NUP50: variants seen among roughly 807,000 people sequenced by gnomAD.
The protein encoded by NUP50 is nucleoporin 50.
In NUP50, 14 loss-of-function variants were observed where a neutral mutation model predicts 36.8. That is an observed-to-expected ratio of 0.38 (90% CI 0.25 to 0.59). The LOEUF (loss-of-function observed/expected upper bound fraction) is 0.59, where lower values mean the gene tolerates loss of function less well. Among genes scored for constraint, NUP50 ranks in the 20% least tolerant of loss-of-function variants. The probability of loss-of-function intolerance (pLI) is 0.63; values close to 1 mark genes in which losing one functional copy is unlikely to be tolerated. For synonymous variants in NUP50, 195 were observed against 210.8 expected, an observed-to-expected ratio of 0.93 and a Z score of 0.65; for missense variants, 455 against 564.6, an observed-to-expected ratio of 0.81 and a Z score of 1.97.
chr22:45,168,894 A>AC (rs1182203854), intron 2 of NUP50, among the ~76,000 whole-genome samples: 24,659 of 128,948 alleles, frequency 0.19, 2,587 homozygotes, highest in East Asian at 0.58. Context: ...TCTCTATAAA[A>AC]AAAATTTTTT....
chr22:45,178,709 T>G lies in NUP50; in HGVS notation c.812T>G (p.Phe271Cys). The G allele has an allele frequency of 6.2e-7, 1 of 1,612,888 alleles. No homozygotes were observed. Among genetic ancestry groups the G allele is most frequent in the South Asian group, 1.1e-5 (1 of 91,034 alleles). Residue 271 changes from phenylalanine (F) to cysteine (C), a missense_variant, in exon 5 of 8, where the codon TTT becomes TGT. Phe to Cys is a radical substitution (Grantham distance 205). Transcript: ENST00000347635. ...TCACTAGGAGCGACAAGTGCCTCAT[T>G]TAATTTCGGCAAGAAAGTTGATAGC... ...PSSLGATSAS[F>C]NFGKKVDSSV...
At position 45,186,001 on chromosome 22, in the gene NUP50, A is replaced by T. The variant is rs149945684; in HGVS notation, c.*1346A>T. 2 of 152,242 alleles carry T rather than the reference A, an allele frequency of 1.3e-5. No homozygotes were observed. The highest frequency in any genetic ancestry group is 4.8e-5 in the African/African-American group (2 of 41,458). The allele number at this position is 152,242 out of a possible 1,614,324, so 9.4% of individuals were successfully genotyped here. On this transcript the variant is annotated 3_prime_UTR_variant, in exon 8 of 8. Transcript: ENST00000347635. ...TCTCCATTTAGAAAAGAGTGGTCAG[A>T]ATAATTGTGGACGGTACAGTGGCTT... is the stretch of plus-strand genomic sequence containing the variant.
Position 45,183,462 on chromosome 22 carries a change from T to C in NUP50, c.1146T>C (p.His382=). 6.2e-7 allele frequency: 1 copy of C among 1,612,514 alleles called. No individual in the cohort carries two copies. The part of the protein sequence containing the change: ...EFKEKGIGTL[H]LKPTANQKTQ... The stretch of plus-strand genomic sequence containing the variant: ...AAGAGAAAGGCATAGGTACTCTGCA[T>C]TTAAAACCTACAGCAAATCAGAAGA... The change falls in exon 7 of 8, where the codon CAT becomes CAC. Residue 382 remains histidine (H), a synonymous_variant. Transcript: ENST00000347635.
intron 1 of NUP50, among the ~76,000 whole-genome samples, chr22:45,166,960 T>TA (rs1428852422): frequency 6.6e-6 from 1 of 152,202 alleles, no homozygotes; most frequent in Non-Finnish European, 1.5e-5. Context: ...TGACAGCCCG[T>TA]ATGTAATTAC....
At chr22:45,182,653 C>CTCTT (rs565810799) in intron 6 of NUP50, among the ~76,000 whole-genome samples, 13 of 93,366 alleles carry the variant, frequency 1.4e-4, no homozygotes, top group Non-Finnish European at 1.8e-4. Flanking sequence ...GAGACGGAGT[C>CTCTT]TCTTTCTGTC....
chr22:45,176,727 C>G (rs1290775459), intron 4 of NUP50, among the ~76,000 whole-genome samples: 2 of 152,060 alleles, frequency 1.3e-5, no homozygotes, highest in African/African-American at 2.4e-5. Context: ...AATAAGTGTT[C>G]TCTGTTAAGT....
chr22:45,171,373 ATT>A (rs904893053), intron 2 of NUP50, among the ~76,000 whole-genome samples: 1 of 151,914 alleles, frequency 6.6e-6, no homozygotes, highest in Non-Finnish European at 1.5e-5. Context: ...CTAATTTTTC[ATT>A]TTTAGTAGCG....
At chr22:45,174,804 C>G (rs10854831) in intron 3 of NUP50, among the ~76,000 whole-genome samples, 1 of 152,094 alleles carries the variant, frequency 6.6e-6, no homozygotes, top group Admixed American at 6.5e-5. Context: ...ATACAAGTTA[C>G]AATTTTCCAT....
intron 2 of NUP50, among the ~76,000 whole-genome samples, chr22:45,170,186 G>A (rs916785416): frequency 6.6e-6 from 1 of 151,578 alleles, no homozygotes; most frequent in Non-Finnish European, 1.5e-5. Context: ...CCCTTGTCTT[G>A]TATGCAATAA....
intron 5 of NUP50, chr22:45,180,268 G>C (rs1407895708): frequency 6.6e-6 from 1 of 152,234 alleles, no homozygotes. Flanking sequence ...ACGGACAGTC[G>C]TGTGACCTAA....
intron 4 of NUP50, among the ~76,000 whole-genome samples, chr22:45,177,036 G>C (rs946726727): frequency 6.6e-6 from 1 of 152,076 alleles, no homozygotes; most frequent in African/African-American, 2.4e-5. Flanking sequence ...CACTGTGCCC[G>C]GCCTCTGTTA....
intron 3 of NUP50, among the ~76,000 whole-genome samples, chr22:45,175,305 G>A (rs760388942): frequency 6.6e-6 from 1 of 152,186 alleles, no homozygotes; most frequent in Non-Finnish European, 1.5e-5. Flanking sequence ...AAACAATCGA[G>A]TTTAAGGAAG....
chr22:45,184,352 G>A (rs2074434152), intron 7 of NUP50, 101 bp from the exon 8 acceptor site: 2 of 1,086,380 alleles, frequency 1.8e-6, no homozygotes, highest in Non-Finnish European at 2.7e-6. Flanking sequence ...TGTCTTAGAT[G>A]TATTAAGTTA....
At chr22:45,178,158 T>C (rs2074306006) in intron 4 of NUP50, 80 bp from the exon 5 acceptor site, 1 of 1,281,586 alleles carries the variant, frequency 7.8e-7, no homozygotes, top group African/African-American at 1.5e-5. Flanking sequence ...GCAGAAAGTA[T>C]GAAGGCAGAG....
chr22:45,184,256 A>G, intron 7 of NUP50, 197 bp from the exon 8 acceptor site: 2 of 596,698 alleles, frequency 3.4e-6, no homozygotes, highest in South Asian at 4.1e-5. Context: ...ACGGAAGGCC[A>G]CTCCTCACAG....
chr22:45,181,158 T>C, intron 5 of NUP50, 128 bp from the exon 6 acceptor site: 1 of 141,786 alleles, frequency 7.1e-6, no homozygotes, highest in South Asian at 1.0e-4. Flanking sequence ...CCATTAAGTG[T>C]GCATTTTAGT....
chr22:45,177,732 GTTC>G (rs1382772788), intron 4 of NUP50: 1 of 152,946 alleles, frequency 6.5e-6, no homozygotes, highest in African/African-American at 2.4e-5. Context: ...GGTGGTTAGT[GTTC>G]TTGTATAAAC....
chr22:45,168,398 A>T (rs536827498), intron 2 of NUP50, 152 bp downstream of exon 2: 2 of 583,382 alleles, frequency 3.4e-6, no homozygotes, highest in Admixed American at 6.7e-5. Context: ...ACCTGTACTT[A>T]GTGTAGATAT....
chr22:45,175,079 T>C (rs1437465925), intron 3 of NUP50, among the ~76,000 whole-genome samples: 1 of 152,136 alleles, frequency 6.6e-6, no homozygotes, highest in African/African-American at 2.4e-5. Flanking sequence ...TATAATGTAA[T>C]CACTTCTTCG....
Sources: gnomAD v4.1 joint callset for allele counts (sites outside exome capture counted in the v4.1 genomes callset) on GRCh38, gnomAD v4.1.1 for gene constraint, MANE v1.5 for transcripts, NCBI Gene and HGNC (gene_info 2026-07-23, HGNC 2026-07-21) for gene names.